The following SPATA7 variants were observed in gnomAD, a reference collection of about 807,000 sequenced individuals.
The protein encoded by SPATA7 is spermatogenesis associated 7.
A neutral mutation model predicts 51.8 loss-of-function variants in SPATA7; 43 were observed. The observed-to-expected ratio is 0.83, with a 90% CI of 0.65 to 1.07. The LOEUF is 1.07. SPATA7 is among the 50% of genes least tolerant of loss of function. The probability of loss-of-function intolerance (pLI) is 0.00; values close to 1 mark genes in which losing one functional copy is unlikely to be tolerated. For synonymous variants in SPATA7, 230 were observed against 252.8 expected, an observed-to-expected ratio of 0.91 and a Z score of 0.86; for missense variants, 683 against 701.3, an observed-to-expected ratio of 0.97 and a Z score of 0.30.
chr14:88,391,035 C>T lies in SPATA7; in HGVS notation c.20-346C>T, dbSNP rs76331856. Among the ~76,000 whole-genome samples the T allele has an allele frequency of 4.8e-3, 723 of 152,184 alleles. 5 individuals carry two copies. The highest frequency in any genetic ancestry group is 8.6e-3 in the Non-Finnish European group (587 of 68,000). Reference sequence around the variant, plus strand: ...GTCTTAGATTTTAGTTCTCCTAGCTCGATACTTCTTTTTTCTATATTTAGT... The same window carrying T: ...GTCTTAGATTTTAGTTCTCCTAGCTTGATACTTCTTTTTTCTATATTTAGT... On this transcript the variant is annotated intron_variant, in intron 1 of 11. Coordinates refer to ENST00000393545, the MANE Select transcript of SPATA7 (RefSeq NM_018418.5).
intron 4 of SPATA7, among the ~76,000 whole-genome samples, chr14:88,404,647 G>A (rs933533579): frequency 1.3e-5 from 2 of 152,136 alleles, no homozygotes; most frequent in African/African-American, 4.8e-5. Flanking sequence ...AACCCGGGAG[G>A]GGGAGGTTGC....
downstream of SPATA7, among the ~76,000 whole-genome samples, chr14:88,457,880 T>G (rs1353498782): frequency 2.6e-5 from 4 of 152,146 alleles, no homozygotes; most frequent in Non-Finnish European, 4.4e-5. Context: ...AAATAGCTCT[T>G]ATTATTTTGA....
Position 88,416,853 on chromosome 14 carries a change from G to C in SPATA7, c.372+9G>C. 6.4e-7 allele frequency: 1 copy of C among 1,570,926 alleles called. No individual in the cohort carries two copies. The highest frequency in any genetic ancestry group is 8.7e-7 in the Non-Finnish European group (1 of 1,143,936). ...TTAATACCTTACAAAAGGTAAGATAGTATTTTTATTTTTTAAAAGCAAATG... is the reference window on the plus strand; with the variant it reads ...TTAATACCTTACAAAAGGTAAGATACTATTTTTATTTTTTAAAAGCAAATG... On this transcript the variant is annotated intron_variant, in intron 5 of 11. Coordinates refer to ENST00000393545, the MANE Select transcript of SPATA7 (RefSeq NM_018418.5).
intron 5 of SPATA7, among the ~76,000 whole-genome samples, chr14:88,418,403 A>C (rs1402902496): frequency 1.3e-5 from 2 of 152,160 alleles, no homozygotes; most frequent in Non-Finnish European, 2.9e-5. Context: ...GCTGCATCCC[A>C]CAAGTTTTGA....
At chr14:88,464,712 A>G (rs1452395445) in intron 4 of SPATA7, among the ~76,000 whole-genome samples, 1 of 152,192 alleles carries the variant, frequency 6.6e-6, no homozygotes. Context: ...CCTGGGTGAC[A>G]GAACGAAACT....
At chr14:88,424,561 C>T (rs10134573) in intron 5 of SPATA7, among the ~76,000 whole-genome samples, 15,750 of 152,188 alleles carry the variant, frequency 0.1, 1,041 homozygotes, top group African/African-American at 0.18. Context: ...CCTCTGATCT[C>T]AGTTTGTGCT....
intron 9 of SPATA7, chr14:88,432,489 C>T (rs554488772): frequency 6.6e-6 from 1 of 152,066 alleles, no homozygotes; most frequent in Non-Finnish European, 1.5e-5. Flanking sequence ...GTAATAGCTA[C>T]TAAAATATAG....
At chr14:88,443,901 G>C (rs1457557734) in intron 3 of SPATA7, among the ~76,000 whole-genome samples, 1 of 152,094 alleles carries the variant, frequency 6.6e-6, no homozygotes, top group African/African-American at 2.4e-5. Context: ...CATTTGGGTT[G>C]GTTCCAAGTC....
chr14:88,465,074 G>T (rs1418891071), intron 4 of SPATA7, among the ~76,000 whole-genome samples: 2 of 152,116 alleles, frequency 1.3e-5, no homozygotes, highest in African/African-American at 2.4e-5. Context: ...CGACCAAAGG[G>T]TTTTAAAGTC....
chr14:88,436,785 G>A (rs370281238), intron 10 of SPATA7, among the ~76,000 whole-genome samples: 98 of 152,126 alleles, frequency 6.4e-4, no homozygotes, highest in African/African-American at 1.9e-3. Context: ...CCATTGGTCT[G>A]TGTCTGTTTT....
chr14:88,468,196 G>C, intron 4 of SPATA7: 9 of 1,612,738 alleles, frequency 5.6e-6, no homozygotes, highest in Non-Finnish European at 7.6e-6. Context: ...AATGTGTACT[G>C]GCAGAGAGTC....
intron 4 of SPATA7, among the ~76,000 whole-genome samples, chr14:88,398,662 AGT>A (rs1290291299): frequency 2.6e-5 from 4 of 152,098 alleles, no homozygotes; most frequent in Admixed American, 6.5e-5. Context: ...AAAAAAAATC[AGT>A]GTTATAAATT....
At chr14:88,442,803 T>C (rs2077186652), downstream of SPATA7, among the ~76,000 whole-genome samples, 1 of 152,176 alleles carries the variant, frequency 6.6e-6, no homozygotes, top group Non-Finnish European at 1.5e-5. Context: ...CATGGCTTCA[T>C]AGAATGATTT....
intron 3 of SPATA7, among the ~76,000 whole-genome samples, chr14:88,451,980 G>C (rs1183638600): frequency 1.3e-5 from 2 of 152,096 alleles, no homozygotes. Flanking sequence ...GTGATCTTTT[G>C]GGGTGTTAAA....
intron 3 of SPATA7, among the ~76,000 whole-genome samples, chr14:88,445,522 G>A (rs1349103730): frequency 6.6e-6 from 1 of 152,088 alleles, no homozygotes; most frequent in African/African-American, 2.4e-5. Flanking sequence ...CCAACACTGT[G>A]TTGAATAGGA....
chr14:88,393,364 A>C (rs1232538437), intron 2 of SPATA7, 29 bp from the exon 3 acceptor site: 4 of 1,393,320 alleles, frequency 2.9e-6, no homozygotes, highest in Non-Finnish European at 4.0e-6. Flanking sequence ...TTAGTTTTAA[A>C]TATATAATGA....
rs572221803 is a variant in SPATA7, at chr14:88,391,311, G to A, written c.20-70G>A. The A allele has an allele frequency of 1.1e-4, 136 of 1,190,412 alleles. 1 individual carries two copies. The African/African-American group carries it at 1.8e-3, about 16-fold the overall frequency. The allele number at this position is 1,190,412 out of a possible 1,614,324, so 73.7% of individuals were successfully genotyped here. ...ATAAATTTATTATTTAAAAAATATT[G>A]AATATTGTTGTTTTTGTAAAAGTTG... On this transcript the variant is annotated intron_variant, in intron 1 of 11. Transcript: ENST00000393545.
rs752698812 is a variant in SPATA7, at chr14:88,438,372, A to G, written c.1750A>G (p.Thr584Ala). The G allele has an allele frequency of 1.4e-5, 23 of 1,614,020 alleles. No homozygotes were observed. The highest frequency in any genetic ancestry group is 2.2e-5 in the East Asian group (1 of 44,864). The change falls in exon 12 of 12, where the codon ACT becomes GCT. Residue 584 changes from threonine (T) to alanine (A), a missense_variant. Physicochemically the swap from Thr to Ala is moderately conservative, Grantham distance 58. Coordinates refer to ENST00000393545, the MANE Select transcript of SPATA7 (RefSeq NM_018418.5). The stretch of plus-strand genomic sequence containing the variant: ...CAATAATCATGACATGGAGTTATCA[A>G]CTCTTAAAATCATGGAAATGAGCAT... ...GDNNHDMELS[T>A]LKIMEMSIED...
intron 11 of SPATA7, 38 bp downstream of exon 11, chr14:88,437,635 A>G: frequency 6.7e-7 from 1 of 1,500,214 alleles, no homozygotes; most frequent in East Asian, 2.3e-5. Flanking sequence ...AAAAATTATA[A>G]TGTAAAAATA....
Sources: allele counts gnomAD v4.1 joint callset (sites outside exome capture counted in the v4.1 genomes callset), GRCh38; gene constraint gnomAD v4.1.1; transcripts MANE v1.5; gene names NCBI Gene and HGNC (gene_info 2026-07-23, HGNC 2026-07-21).